Variants in PCSK5 observed in about 807,000 individuals in gnomAD.
PCSK5 encodes the protein proprotein convertase subtilisin/kexin type 5.
PCSK5 carries 129 observed loss-of-function variants against 233.2 expected under a neutral mutation model. The ratio of observed to expected loss-of-function variants is 0.55; its 90% confidence interval spans 0.48 to 0.64. The LOEUF is 0.64. Among genes scored for constraint, PCSK5 ranks in the 30% least tolerant of loss-of-function variants. The probability of loss-of-function intolerance (pLI) is 0.00; values close to 1 mark genes in which losing one functional copy is unlikely to be tolerated. For synonymous variants in PCSK5, 825 were observed against 879.2 expected, an observed-to-expected ratio of 0.94 and a Z score of 1.09; for missense variants, 2,076 against 2,430.1, an observed-to-expected ratio of 0.85 and a Z score of 3.06.
chr9:76,351,469 A>AAAGAAAGAAAGAAAGAAAGAAAGAAAG, intron 36 of PCSK5, among the ~76,000 whole-genome samples: 1 of 68,880 alleles, frequency 1.5e-5, no homozygotes, highest in Non-Finnish European at 3.2e-5. Flanking sequence ...AGAAAGAAAG[A>AAAGAAAGAAAGAAAGAAAGAAAGAAAG]AAGAAAGAAA....
chr9:76,168,309 C>T (rs377668068), intron 12 of PCSK5, among the ~76,000 whole-genome samples: 6 of 152,016 alleles, frequency 3.9e-5, no homozygotes, highest in African/African-American at 7.2e-5. Flanking sequence ...CCACCATACC[C>T]GGCTAATTTT....
intron 3 of PCSK5, among the ~76,000 whole-genome samples, chr9:75,987,311 C>G (rs963843934): frequency 6.6e-6 from 1 of 152,132 alleles, no homozygotes; most frequent in Admixed American, 6.5e-5. Context: ...TGTCATTTTC[C>G]CTCCTCTGGT....
chr9:76,219,419 G>A (rs555679239), intron 20 of PCSK5, among the ~76,000 whole-genome samples: 1 of 152,282 alleles, frequency 6.6e-6, no homozygotes, highest in African/African-American at 2.4e-5. Context: ...AAAAACGAAA[G>A]AGGATGATAA....
rs1564052311 is a variant in PCSK5 at position 76,134,255 on chromosome 9, A to G, written c.1312+43A>G. The G allele has an allele frequency of 1.1e-5, 13 of 1,232,204 alleles. No individual in the cohort carries two copies. The South Asian group carries it at 1.6e-4, about 15-fold the overall frequency. 76.3% of individuals were successfully genotyped at this position (1,232,204 alleles called of 1,614,324 possible). On this transcript the variant is annotated intron_variant, in intron 10 of 37. Transcript: ENST00000674117. ...ATTCTGTCACAGGCAAAATATTTTTATTTTTCCCCCATTTTAAATGGAGAG... is the reference window on the plus strand; with the variant it reads ...ATTCTGTCACAGGCAAAATATTTTTGTTTTTCCCCCATTTTAAATGGAGAG...
At chr9:76,187,519 G>A (rs1824162819) in intron 17 of PCSK5, among the ~76,000 whole-genome samples, 2 of 151,982 alleles carry the variant, frequency 1.3e-5, no homozygotes, top group Non-Finnish European at 2.9e-5. Flanking sequence ...GCACCACCAT[G>A]CCTAGCAATT....
intron 17 of PCSK5, among the ~76,000 whole-genome samples, chr9:76,186,052 A>ATT (rs1824089063): frequency 6.6e-6 from 1 of 152,212 alleles, no homozygotes; most frequent in Non-Finnish European, 1.5e-5. Context: ...CAGTAACCAC[A>ATT]TTAAGAGAAG....
At position 76,089,317 on chromosome 9, in the gene PCSK5, C is replaced by T. The variant is rs375823049; in HGVS notation, c.895-6573C>T. ...TTGAGGCGGTGCTTGCGAGACATCACGGATGAGTGGAAGTGCCTCATTCCA... is the reference window on the plus strand; with the variant it reads ...TTGAGGCGGTGCTTGCGAGACATCATGGATGAGTGGAAGTGCCTCATTCCA... On this transcript the variant is annotated intron_variant, in intron 7 of 37. Transcript: ENST00000674117. 3.0e-4 allele frequency among the ~76,000 whole-genome samples: 46 copies of T among 152,200 alleles called. 1 individual carries two copies. Among genetic ancestry groups the T allele is most frequent in the Admixed American group, 1.4e-3 (22 of 15,288 alleles).
intron 12 of PCSK5, among the ~76,000 whole-genome samples, chr9:76,161,595 G>C (rs1587703081): frequency 6.6e-6 from 1 of 152,046 alleles, no homozygotes; most frequent in Non-Finnish European, 1.5e-5. Flanking sequence ...CTCCGCTGTT[G>C]CTGTTTGCTT....
rs1564088089 is a variant in PCSK5 at position 75,928,623 on chromosome 9, ATATATATATATATAT to A, written c.193-3755_193-3741del. Among the ~76,000 whole-genome samples, 227 of 114,132 alleles carry A rather than the reference ATATATATATATATAT, an allele frequency of 2.0e-3. 1 individual carries two copies. Among genetic ancestry groups the A allele is most frequent in the African/African-American group, 8.1e-3 (212 of 26,064 alleles). The allele number at this position is 114,132 out of a possible 152,430, so 74.9% of individuals were successfully genotyped here. A position where few individuals can be genotyped will look rare whatever the true frequency, so the allele number is the denominator to read the frequency against. On this transcript the variant is annotated intron_variant, in intron 1 of 37. Coordinates refer to ENST00000674117, the MANE Select transcript of PCSK5 (RefSeq NM_001372043.1). ...TATATATATATATATATATATATAT[ATATATATATATATAT>A]AATCCTAGAAGGTGATAGATTATTT...
At chr9:76,175,293 AATAG>A (rs1823551796) in intron 14 of PCSK5, 164 bp downstream of exon 14, 3 of 389,294 alleles carry the variant, frequency 7.7e-6, no homozygotes, top group African/African-American at 5.7e-5. Context: ...AATCGAATCG[AATAG>A]AATAGAATAG....
chr9:76,090,202 CT>C lies in PCSK5; in HGVS notation c.895-5686del, dbSNP rs773633774. Reference sequence around the variant, plus strand: ...AATATATGCCTCAAGATTCTTTTCTCTTCATAGTACTCCATGCACCCTCCCT... The same window carrying C: ...AATATATGCCTCAAGATTCTTTTCTCTCATAGTACTCCATGCACCCTCCCT... On this transcript the variant is annotated intron_variant, in intron 7 of 37. Coordinates refer to ENST00000674117, the MANE Select transcript of PCSK5 (RefSeq NM_001372043.1). Among the ~76,000 whole-genome samples, 9 of 152,232 alleles carry C rather than the reference CT, an allele frequency of 5.9e-5. No individual in the cohort carries two copies. The South Asian group carries it at 6.2e-4, about 11-fold the overall frequency.
intron 21 of PCSK5, among the ~76,000 whole-genome samples, chr9:76,230,819 C>T (rs117178236): frequency 6.6e-6 from 1 of 152,148 alleles, no homozygotes; most frequent in Non-Finnish European, 1.5e-5. Flanking sequence ...CCGTCATCCC[C>T]AGATGAGACC....
At chr9:76,096,568 A>T (rs897607317) in intron 8 of PCSK5, among the ~76,000 whole-genome samples, 2 of 152,028 alleles carry the variant, frequency 1.3e-5, no homozygotes, top group Admixed American at 1.3e-4. Flanking sequence ...ATACTTATTT[A>T]ACATGAACTA....
intron 5 of PCSK5, among the ~76,000 whole-genome samples, chr9:76,043,305 C>T (rs1829209378): frequency 7.3e-6 from 1 of 136,726 alleles, no homozygotes; most frequent in African/African-American, 2.7e-5. Flanking sequence ...CACTGTGCTC[C>T]AGCCTGGGCG....
intron 34 of PCSK5, among the ~76,000 whole-genome samples, 175 bp downstream of exon 34, chr9:76,332,785 C>T (rs568406770): frequency 6.6e-6 from 1 of 152,278 alleles, no homozygotes; most frequent in Admixed American, 6.5e-5. Flanking sequence ...ACAGGAGAGG[C>T]AGAGTGACCG....
intron 3 of PCSK5, among the ~76,000 whole-genome samples, chr9:75,999,264 T>C (rs553437302): frequency 2.6e-5 from 4 of 152,112 alleles, no homozygotes; most frequent in African/African-American, 9.6e-5. Flanking sequence ...CCTGTGTCCA[T>C]GTGTTCTCAT....
rs561850098 is a variant in PCSK5, at chr9:76,340,455, G to C, written c.4966+2008G>C. 2.0e-5 allele frequency among the ~76,000 whole-genome samples: 3 copies of C among 152,078 alleles called. No individual in the cohort carries two copies. The South Asian group carries it at 6.2e-4, about 32-fold the overall frequency. On this transcript the variant is annotated intron_variant, in intron 35 of 37. Transcript: ENST00000674117. The stretch of plus-strand genomic sequence containing the variant: ...GAGGTCAGGAGTTCGAGACCAGCCT[G>C]ACCAACATGGTGAAACCCCATCTCT...
intron 20 of PCSK5, among the ~76,000 whole-genome samples, chr9:76,217,274 C>T (rs893982131): frequency 1.9e-4 from 29 of 152,308 alleles, no homozygotes; most frequent in African/African-American, 6.7e-4. Context: ...GTACATTATT[C>T]AAAGCCACCA....
At chr9:76,269,596 G>A (rs1257320566) in intron 24 of PCSK5, among the ~76,000 whole-genome samples, 1 of 152,188 alleles carries the variant, frequency 6.6e-6, no homozygotes, top group African/African-American at 2.4e-5. Context: ...AAGTGCTTCT[G>A]TATAATTTGC....
Sources: gnomAD v4.1 joint callset for allele counts (sites outside exome capture counted in the v4.1 genomes callset) on GRCh38, gnomAD v4.1.1 for gene constraint, MANE v1.5 for transcripts, NCBI Gene and HGNC (gene_info 2026-07-23, HGNC 2026-07-21) for gene names.